Variants in CDKL5 observed in about 807,000 individuals in gnomAD.
CDKL5 encodes the protein cyclin-dependent kinase-like 5.
In CDKL5, 8 loss-of-function variants were observed where a neutral mutation model predicts 61.7. That is an observed-to-expected ratio of 0.13 (90% CI 0.08 to 0.23). The LOEUF (loss-of-function observed/expected upper bound fraction) is 0.23, where lower values mean the gene tolerates loss of function less well. CDKL5 is among the 10% of genes least tolerant of loss of function. CDKL5 has a pLI of 1.00. For synonymous variants in CDKL5, 275 were observed against 272.3 expected (o/e 1.01, Z -0.10); for missense variants, 440 against 734.5 (o/e 0.60, Z 4.63).
chrX:18,625,301 G>C, intron 17 of CDKL5, 54 bp downstream of exon 17: 1 of 1,165,510 alleles, frequency 8.6e-7, no homozygotes, highest in South Asian at 1.8e-5. Flanking sequence ...TAACTGTCCT[G>C]AGGAGCGGGG....
At chrX:18,463,739 A>G (rs1932340633) in intron 1 of CDKL5, among the ~76,000 whole-genome samples, 1 of 112,315 alleles carries the variant, frequency 8.9e-6, no homozygotes, top group Non-Finnish European at 1.9e-5. Context: ...GGGGAGAAGA[A>G]CTGCAACTAA....
At chrX:18,537,892 T>A (rs1923899206) in intron 3 of CDKL5, among the ~76,000 whole-genome samples, 1 of 111,843 alleles carries the variant, frequency 8.9e-6, no homozygotes, top group South Asian at 3.7e-4. Context: ...GGTGCCAGAG[T>A]TTGTTTACCT....
chrX:18,590,432 G>GT (rs1393196636), intron 9 of CDKL5, among the ~76,000 whole-genome samples: 6 of 111,830 alleles, frequency 5.4e-5, no homozygotes, highest in Non-Finnish European at 9.4e-5. Context: ...AAAGCACTTT[G>GT]TTTTTTTCTT....
At chrX:18,474,007 T>TAA (rs778594920) in intron 1 of CDKL5, among the ~76,000 whole-genome samples, 11 of 108,742 alleles carry the variant, frequency 1.0e-4, no homozygotes, top group Admixed American at 8.9e-4. Flanking sequence ...TAGCTGGGAT[T>TAA]ACAGGCACGT....
chrX:18,570,046 A>G (rs1016994610), intron 4 of CDKL5, among the ~76,000 whole-genome samples: 2 of 111,438 alleles, frequency 1.8e-5, no homozygotes, highest in Non-Finnish European at 3.8e-5. Context: ...AATTTATTTT[A>G]TTCTTCTGTT....
chrX:18,497,107 C>G (rs577656282), intron 1 of CDKL5, among the ~76,000 whole-genome samples: 1 of 109,972 alleles, frequency 9.1e-6, no homozygotes, highest in African/African-American at 3.3e-5. Context: ...ATTCTCCTGC[C>G]TCAGCCTCCC....
chrX:18,491,077 G>A (rs896911291), intron 1 of CDKL5, among the ~76,000 whole-genome samples: 2 of 111,668 alleles, frequency 1.8e-5, no homozygotes, highest in Non-Finnish European at 3.8e-5. Flanking sequence ...TGTTTTTCCT[G>A]TTTCTCTGAA....
At chrX:18,575,230 ACTT>A in intron 4 of CDKL5, 121 bp from the exon 5 acceptor site, 1 of 566,979 alleles carries the variant, frequency 1.8e-6, no homozygotes, top group South Asian at 2.7e-5. Context: ...CCATTCTTGT[ACTT>A]CTTATGCAGA....
chrX:18,546,177 A>ACT (rs1924185352), intron 3 of CDKL5, among the ~76,000 whole-genome samples: 1 of 109,218 alleles, frequency 9.2e-6, no homozygotes, highest in Admixed American at 9.8e-5. Context: ...CCGTTTGAAA[A>ACT]CTCAGGTGGT....
intron 15 of CDKL5, among the ~76,000 whole-genome samples, chrX:18,618,397 C>G (rs184413901): frequency 8.5e-4 from 95 of 111,825 alleles, no homozygotes; most frequent in African/African-American, 3.1e-3. Context: ...GCCATTTCTA[C>G]TAGATGCTCT....
chrX:18,574,210 A>G (rs772123607), intron 4 of CDKL5, among the ~76,000 whole-genome samples: 10 of 111,946 alleles, frequency 8.9e-5, no homozygotes, highest in Non-Finnish European at 1.9e-4. Flanking sequence ...TTTGGATTTT[A>G]GAATGGACGT....
At chrX:18,497,775 G>A (rs1922230527) in intron 1 of CDKL5, among the ~76,000 whole-genome samples, 1 of 110,141 alleles carries the variant, frequency 9.1e-6, no homozygotes, top group Non-Finnish European at 1.9e-5. Context: ...GTGTTGTGTT[G>A]TGTTGTCTTG....
In CDKL5 at chrX:18,540,515, C is replaced by T. The variant is rs1384985291; in HGVS notation, c.100-23962C>T. On this transcript the variant is annotated intron_variant, in intron 3 of 17. Coordinates refer to ENST00000623535, the MANE Select transcript of CDKL5 (RefSeq NM_001323289.2). ...TTCCTATTTAGAAAACTACCTTTAA[C>T]CATTCTTTAAGGGTAAGTTTGCTAG... Among the ~76,000 whole-genome samples, 3 of 111,502 alleles carry T rather than the reference C, an allele frequency of 2.7e-5. No homozygotes were observed. In the East Asian group the frequency reaches 8.5e-4, roughly 32 times the overall value.
chrX:18,520,478 C>T (rs773803296), intron 3 of CDKL5, among the ~76,000 whole-genome samples: 8 of 111,932 alleles, frequency 7.1e-5, no homozygotes, highest in Non-Finnish European at 1.3e-4. Flanking sequence ...TCGTGTTTAT[C>T]TTTTCATCAG....
Position 18,637,116 on chromosome X carries a change from T to C in CDKL5, c.*8359T>C. ...GTACTAAAAATACAAAAATTAGGTC[T>C]GGGCGGTGGCTCACGCCCGTAATCC... is the stretch of plus-strand genomic sequence containing the variant. On this transcript the variant is annotated 3_prime_UTR_variant, in exon 18 of 18. Transcript: ENST00000623535. 1 of 111,246 alleles carries C rather than the reference T, an allele frequency of 9.0e-6. No individual in the cohort carries two copies. The highest frequency in any genetic ancestry group is 1.9e-5 in the Non-Finnish European group (1 of 52,915). The allele number at this position is 111,246 out of a possible 1,213,427, so 9.2% of individuals were successfully genotyped here.
At chrX:18,650,922 A>T (rs1432238328) in intron 21 of CDKL5, among the ~76,000 whole-genome samples, 3 of 112,146 alleles carry the variant, frequency 2.7e-5, no homozygotes, top group Admixed American at 9.4e-5. Flanking sequence ...ATTGAGTGAA[A>T]CTATTTGGAG....
chrX:18,612,280 T>G (rs1473688541), intron 14 of CDKL5, among the ~76,000 whole-genome samples: 7 of 111,742 alleles, frequency 6.3e-5, no homozygotes, highest in African/African-American at 2.3e-4. Context: ...TAAGAATAGA[T>G]TTTACATTGT....
rs1925264018 is a variant in CDKL5, at chrX:18,575,418, A to C, written c.210A>C (p.Glu70Asp). 1 of 1,207,450 alleles carries C rather than the reference A, an allele frequency of 8.3e-7. No homozygotes were observed. The highest frequency in any genetic ancestry group is 1.1e-6 in the Non-Finnish European group (1 of 892,771). Residue 70 changes from glutamate to aspartate, a missense_variant, in exon 5 of 18, where the codon GAA becomes GAC. Glu to Asp is a conservative substitution (Grantham distance 45). Transcript: ENST00000623535. ...ELKMLRTLKQ[E>D]NIVELKEAFR... is the part of the protein sequence containing the mutation. The stretch of plus-strand genomic sequence containing the variant: ...AAATGCTTCGGACTCTCAAGCAGGA[A>C]AACATTGTGGAGTTGAAGGAAGCAT...
At chrX:18,648,094 C>T (rs1172967428) in intron 20 of CDKL5, among the ~76,000 whole-genome samples, 2 of 110,813 alleles carry the variant, frequency 1.8e-5, no homozygotes, top group Non-Finnish European at 3.8e-5. Context: ...CCCAGCTACT[C>T]GGGAGGCTGA....
Sources: allele counts gnomAD v4.1 joint callset (sites outside exome capture counted in the v4.1 genomes callset), GRCh38; gene constraint gnomAD v4.1.1; transcripts MANE v1.5; gene names NCBI Gene and HGNC (gene_info 2026-07-23, HGNC 2026-07-21).